PCNX2: variants seen among roughly 807,000 people sequenced by gnomAD.
The protein encoded by PCNX2 is pecanex 2.
In PCNX2, 168 loss-of-function variants were observed where a neutral mutation model predicts 223.8. The ratio of observed to expected loss-of-function variants is 0.75; its 90% CI spans 0.66 to 0.85. PCNX2 has a LOEUF of 0.85. PCNX2 is among the 40% of genes least tolerant of loss of function. PCNX2 has a pLI of 0.00. For missense variants in PCNX2, 2,507 were observed against 2,675.5 expected (o/e 0.94, Z 1.39); for synonymous variants, 1,006 against 1,052.6 (o/e 0.96, Z 0.86).
chr1:233,196,111 C>T (rs1482384155), intron 15 of PCNX2, among the ~76,000 whole-genome samples: 5 of 151,982 alleles, frequency 3.3e-5, no homozygotes, highest in Non-Finnish European at 1.5e-5. Context: ...TGGTTCTAAA[C>T]GTTCCATGAT....
At position 233,218,145 on chromosome 1, in the gene PCNX2, G is replaced by T; in HGVS notation, c.2544C>A (p.Leu848=). The T allele has an allele frequency of 7.4e-7, 1 of 1,355,590 alleles. No individual in the cohort carries two copies. The highest frequency in any genetic ancestry group is 9.7e-7 in the Non-Finnish European group (1 of 1,029,234). The allele number at this position is 1,355,590 out of a possible 1,614,324, so 84.0% of individuals were successfully genotyped here. The part of the protein sequence containing the change: ...DIKENVLAIL[L]IVLVSLLGFL... ...ATCCAAGGAGGGAAACCAGGACAAT[G>T]AGTAAAATCGCCAGTACATTCTCCT... Residue 848 remains leucine, a synonymous_variant, in exon 11 of 34, where the codon CTC becomes CTA. Coordinates refer to ENST00000258229, the MANE Select transcript of PCNX2 (RefSeq NM_014801.4).
intron 23 of PCNX2, chr1:233,058,476 C>T (rs1029401535): frequency 2.6e-5 from 4 of 152,098 alleles, no homozygotes; most frequent in Non-Finnish European, 5.9e-5. Flanking sequence ...TTTATTATCA[C>T]CTACAAAATG....
chr1:233,281,246 A>C (rs1661179665), intron 1 of PCNX2, among the ~76,000 whole-genome samples: 1 of 152,238 alleles, frequency 6.6e-6, no homozygotes, highest in Admixed American at 6.5e-5. Context: ...TAAGTATCTA[A>C]TTGTAGTCTT....
chr1:233,068,669 T>A (rs34942137), intron 23 of PCNX2, among the ~76,000 whole-genome samples: 5,199 of 152,208 alleles, frequency 0.034, 135 homozygotes, highest in Middle Eastern at 0.13. Flanking sequence ...ATTATTTATA[T>A]ATAATGCTAA....
intron 21 of PCNX2, among the ~76,000 whole-genome samples, chr1:233,105,058 ACTT>A (rs1203576950): frequency 1.3e-5 from 2 of 152,156 alleles, no homozygotes; most frequent in African/African-American, 4.8e-5. Flanking sequence ...TCTTAGAAAA[ACTT>A]CACAGTCCAT....
rs1191105050 is a variant in PCNX2, at chr1:233,000,485, C to T, written c.5148G>A (p.Glu1716=). The stretch of plus-strand genomic sequence containing the variant: ...CCTTCTTCTCGAAGGACTGGATGGC[C>T]TCGTAGAGGACTGCTGGGTCTTCAT... ...DEYEDPAVLY[E]AIQSFEKKVV... Residue 1716 remains glutamate, a synonymous_variant, in exon 30 of 34, where the codon GAG becomes GAA. Transcript: ENST00000258229. This position sits in a 1 kb window ranked among gnomAD's most constrained non-coding sequence, Gnocchi z 4.6. 6.2e-7 allele frequency: 1 copy of T among 1,601,152 alleles called. No individual in the cohort carries two copies. The highest frequency in any genetic ancestry group is 1.3e-5 in the African/African-American group (1 of 74,674).
chr1:233,177,842 G>A lies in PCNX2; in HGVS notation c.3233C>T (p.Ser1078Leu). ...CTTCTTGGGGAGAGGGTCAGCAGCT[G>A]ACTCTGCCAGATTTTGATGTAAAAA... ...PKFLHQNLAE[S>L]AADPLPKKMK... Residue 1078 changes from serine to leucine, a missense_variant, in exon 17 of 34, where the codon TCA (serine) becomes TTA (leucine). Physicochemically the swap from Ser to Leu is moderately radical, Grantham distance 145. Coordinates refer to ENST00000258229, the MANE Select transcript of PCNX2 (RefSeq NM_014801.4). 6.2e-7 allele frequency: 1 copy of A among 1,613,942 alleles called. No homozygotes were observed. The highest frequency in any genetic ancestry group is 8.5e-7 in the Non-Finnish European group (1 of 1,179,856).
chr1:233,208,824 T>TACAAAAAAAAAAAAAAAAAAAAAAAAAA (rs1681644334), intron 12 of PCNX2, 135 bp from the exon 13 acceptor site: 1 of 11,438 alleles, frequency 8.7e-5, no homozygotes, highest in Non-Finnish European at 1.7e-4. Flanking sequence ...ACAATTCATA[T>TACAAAAAAAAAAAAAAAAAAAAAAAAAA]ACAAAAAAAA....
intron 5 of PCNX2, among the ~76,000 whole-genome samples, chr1:233,257,329 C>T (rs1182340664): frequency 6.6e-6 from 1 of 152,018 alleles, no homozygotes; most frequent in Admixed American, 6.6e-5. Context: ...ATGGTATATC[C>T]ATAACGTAAA....
intron 15 of PCNX2, chr1:233,180,782 G>C (rs1209267235): frequency 1.3e-5 from 2 of 152,102 alleles, no homozygotes; most frequent in Non-Finnish European, 2.9e-5. Flanking sequence ...GAGTCTTCCT[G>C]AGGCTGCTGA....
intron 27 of PCNX2, among the ~76,000 whole-genome samples, chr1:233,016,113 G>A (rs1005684523): frequency 1.3e-5 from 2 of 152,160 alleles, no homozygotes; most frequent in Non-Finnish European, 2.9e-5. Flanking sequence ...CTTCTTTGTG[G>A]TTGGTCTGGA....
chr1:233,122,284 T>C (rs1675848298), intron 21 of PCNX2, among the ~76,000 whole-genome samples: 1 of 152,126 alleles, frequency 6.6e-6, no homozygotes, highest in South Asian at 2.1e-4. Flanking sequence ...AATGAATGAA[T>C]AAAGAGACAA....
chr1:233,195,016 C>CAAA (rs574552463), intron 15 of PCNX2, among the ~76,000 whole-genome samples: 896 of 63,364 alleles, frequency 0.014, 9 homozygotes, highest in Middle Eastern at 0.036. Context: ...GATTCCATCT[C>CAAA]AAAAAAAAAA....
intron 21 of PCNX2, among the ~76,000 whole-genome samples, chr1:233,132,752 G>A (rs1044513360): frequency 5.3e-5 from 8 of 152,000 alleles, no homozygotes; most frequent in Non-Finnish European, 7.4e-5. Flanking sequence ...CAGTTATATT[G>A]ACAAATCCTC....
chr1:233,020,260 TGGG>T (rs1670832945), intron 26 of PCNX2, among the ~76,000 whole-genome samples: 1 of 152,198 alleles, frequency 6.6e-6, no homozygotes, highest in South Asian at 2.1e-4. Flanking sequence ...CACTTCTCAC[TGGG>T]AGAAAACAGA....
At chr1:233,072,334 G>A (rs1258454294) in intron 23 of PCNX2, among the ~76,000 whole-genome samples, 1 of 152,156 alleles carries the variant, frequency 6.6e-6, no homozygotes, top group Non-Finnish European at 1.5e-5. Context: ...GTGTAAGGAA[G>A]GGGTCCAGTT....
chr1:233,325,607 C>T, the PCNX2 span, among the ~76,000 whole-genome samples: 2 of 151,730 alleles, frequency 1.3e-5, no homozygotes, highest in South Asian at 4.2e-4. Context: ...ACCCAGGAGG[C>T]GGAGCTTGCA....
In PCNX2 at chr1:233,208,826, CAAAAAAAAAAAAAAAA is replaced by C. The variant is rs71173255; in HGVS notation, c.2692-153_2692-138del. Reference sequence around the variant, plus strand: ...TCCCCCAAACACCACAATTCATATACAAAAAAAAAAAAAAAAAAAAAAAAACAGGAAAAAAAGAAAA... The same window carrying C: ...TCCCCCAAACACCACAATTCATATACAAAAAAAAACAGGAAAAAAAGAAAA... On this transcript the variant is annotated intron_variant, in intron 12 of 33. Coordinates refer to ENST00000258229, the MANE Select transcript of PCNX2 (RefSeq NM_014801.4). 2 of 56,164 alleles carry C rather than the reference CAAAAAAAAAAAAAAAA, an allele frequency of 3.6e-5. 1 individual carries two copies. 3.5% of individuals were successfully genotyped at this position (56,164 alleles called of 1,614,324 possible).
chr1:233,277,317 T>C (rs1293311663), intron 1 of PCNX2, among the ~76,000 whole-genome samples: 1 of 152,196 alleles, frequency 6.6e-6, no homozygotes, highest in East Asian at 1.9e-4. Flanking sequence ...ATAGTGTCTC[T>C]CAAGCGCCAT....
Sources: allele counts gnomAD v4.1 joint callset (sites outside exome capture counted in the v4.1 genomes callset), GRCh38; gene constraint gnomAD v4.1.1; non-coding constraint Gnocchi (gnomAD v3.1); transcripts MANE v1.5; gene names NCBI Gene and HGNC (gene_info 2026-07-23, HGNC 2026-07-21).